CYP19A1: variants seen among roughly 807,000 people sequenced by gnomAD.
CYP19A1 encodes the protein cytochrome P450 family 19 subfamily A member 1.
In CYP19A1, 32 loss-of-function variants were observed where a neutral mutation model predicts 44.4. The observed-to-expected ratio is 0.72, with a 90% CI of 0.54 to 0.97. The LOEUF (loss-of-function observed/expected upper bound fraction) is 0.97, where lower values mean the gene tolerates loss of function less well. Ranked by LOEUF, CYP19A1 falls within the 50% of genes least tolerant of loss-of-function variation. CYP19A1 has a pLI of 0.00. For missense variants in CYP19A1, 598 were observed against 637.8 expected (o/e 0.94, Z 0.67); for synonymous variants, 212 against 215.6 (o/e 0.98, Z 0.14).
At chr15:51,304,372 G>A (rs1272796650) in intron 1 of CYP19A1, among the ~76,000 whole-genome samples, 1 of 152,096 alleles carries the variant, frequency 6.6e-6, no homozygotes, top group Non-Finnish European at 1.5e-5. Flanking sequence ...GACAAATTAA[G>A]TCCTCTTTAC....
intron 1 of CYP19A1, among the ~76,000 whole-genome samples, chr15:51,305,852 C>T (rs984620599): frequency 2.0e-5 from 3 of 152,094 alleles, no homozygotes; most frequent in East Asian, 1.9e-4. Context: ...TGAGCCACTG[C>T]GCGCCACCTT....
intron 1 of CYP19A1, among the ~76,000 whole-genome samples, chr15:51,247,012 C>T (rs1305963329): frequency 1.3e-5 from 2 of 152,178 alleles, no homozygotes; most frequent in South Asian, 2.1e-4. Flanking sequence ...CTTACTACTG[C>T]CTGATCTGTA....
At chr15:51,274,274 C>T (rs758066886) in intron 1 of CYP19A1, among the ~76,000 whole-genome samples, 3 of 152,250 alleles carry the variant, frequency 2.0e-5, no homozygotes, top group Non-Finnish European at 4.4e-5. Flanking sequence ...GGATTATTAC[C>T]GATTTTTGTA....
In CYP19A1 at chr15:51,227,860, A is replaced by T; in HGVS notation, c.370T>A (p.Cys124Ser). 6.5e-7 allele frequency: 1 copy of T among 1,536,966 alleles called. No individual in the cohort carries two copies. The highest frequency in any genetic ancestry group is 9.0e-7 in the Non-Finnish European group (1 of 1,109,660). The change falls in exon 4 of 10, where the codon TGC (cysteine) becomes AGC (serine). Residue 124 changes from cysteine (C) to serine (S), a missense_variant. Cys to Ser is a moderately radical substitution (Grantham distance 112, BLOSUM62 -1). Transcript: ENST00000396402. ...ATGCCTTTCTCATGCATACCGATGC[A>T]CTGCAGCCCAAGTTTGCTGCCGAAT... ...SRFGSKLGLQCIGMHEKGIIF... is the reference protein window; with the variant it reads ...SRFGSKLGLQSIGMHEKGIIF...
intron 1 of CYP19A1, among the ~76,000 whole-genome samples, chr15:51,320,638 C>A (rs928502521): frequency 2.0e-5 from 3 of 152,116 alleles, no homozygotes; most frequent in Non-Finnish European, 2.9e-5. Context: ...CTCCTTTTTC[C>A]TTAACCCCAC....
At chr15:51,228,699 C>T (rs1310147796) in intron 3 of CYP19A1, among the ~76,000 whole-genome samples, 1 of 152,180 alleles carries the variant, frequency 6.6e-6, no homozygotes, top group African/African-American at 2.4e-5. Context: ...TTGCATGATG[C>T]TCAATTATGC....
chr15:51,278,941 A>ACTCAAGTTC (rs1595750640), intron 1 of CYP19A1: 2 of 152,238 alleles, frequency 1.3e-5, no homozygotes, highest in East Asian at 3.9e-4. Context: ...TAAATGAAAG[A>ACTCAAGTTC]CTCAAGTTCC....
intron 6 of CYP19A1, among the ~76,000 whole-genome samples, chr15:51,216,671 GTT>G (rs1313323639): frequency 6.6e-6 from 1 of 152,174 alleles, no homozygotes; most frequent in Non-Finnish European, 1.5e-5. Flanking sequence ...TGCCTTGTTA[GTT>G]TCTGCCACAT....
At chr15:51,232,633 G>T (rs1230088816) in intron 3 of CYP19A1, among the ~76,000 whole-genome samples, 1 of 152,056 alleles carries the variant, frequency 6.6e-6, no homozygotes, top group African/African-American at 2.4e-5. Flanking sequence ...ACAGCACTTT[G>T]ACTCTTTTTT....
chr15:51,282,579 G>A (rs146599147), intron 1 of CYP19A1, among the ~76,000 whole-genome samples: 1 of 152,162 alleles, frequency 6.6e-6, no homozygotes, highest in Non-Finnish European at 1.5e-5. Context: ...CTCCATACTT[G>A]CGTTGGCCAC....
chr15:51,237,745 G>A (rs2033498798), intron 2 of CYP19A1, among the ~76,000 whole-genome samples: 1 of 152,194 alleles, frequency 6.6e-6, no homozygotes, highest in Non-Finnish European at 1.5e-5. Flanking sequence ...GCAGAGGATG[G>A]CAGAATTGTA....
intron 3 of CYP19A1, among the ~76,000 whole-genome samples, chr15:51,235,331 C>T (rs2033321109): frequency 6.6e-6 from 1 of 152,166 alleles, no homozygotes; most frequent in Non-Finnish European, 1.5e-5. Flanking sequence ...CGGGTCCTAC[C>T]CCAGACTGTC....
At chr15:51,294,730 C>A (rs2035951499) in intron 1 of CYP19A1, among the ~76,000 whole-genome samples, 1 of 147,976 alleles carries the variant, frequency 6.8e-6, no homozygotes, top group African/African-American at 2.6e-5. Context: ...CAGCCGCCCC[C>A]CGGGAGGGAG....
intron 1 of CYP19A1, among the ~76,000 whole-genome samples, chr15:51,332,228 GGTA>G (rs2036713286): frequency 6.6e-6 from 1 of 151,854 alleles, no homozygotes; most frequent in Non-Finnish European, 1.5e-5. Context: ...TTTTGTCACT[GGTA>G]GTCAAACTCA....
chr15:51,254,901 A>G (rs2034458405), intron 1 of CYP19A1, among the ~76,000 whole-genome samples: 1 of 152,188 alleles, frequency 6.6e-6, no homozygotes, highest in South Asian at 2.1e-4. Context: ...TCAAATGCAC[A>G]GTGATTACTT....
rs185197622 is a variant in CYP19A1 at position 51,235,359 on chromosome 15, G to T, written c.296+1500C>A. ...AGACTGTCTCATTTAGTAGGTCAGG[G>T]TGGGGCCCAAGAACGTGCATTGCTA... On this transcript the variant is annotated intron_variant, in intron 3 of 9. Transcript: ENST00000396402. Among the ~76,000 whole-genome samples the T allele has an allele frequency of 5.3e-5, 8 of 152,314 alleles. No individual in the cohort carries two copies. In the East Asian group the frequency reaches 1.5e-3, roughly 29 times the overall value.
chr15:51,233,921 C>G (rs1254742119), intron 3 of CYP19A1, among the ~76,000 whole-genome samples: 1 of 152,146 alleles, frequency 6.6e-6, no homozygotes, highest in East Asian at 1.9e-4. Context: ...CGTGCCTCCA[C>G]GCCCCCAGTG....
intron 1 of CYP19A1, among the ~76,000 whole-genome samples, chr15:51,247,469 A>T (rs1416532426): frequency 6.7e-6 from 1 of 149,584 alleles, no homozygotes; most frequent in Non-Finnish European, 1.5e-5. Context: ...TTTTATTTTT[A>T]TTTATTTATT....
Position 51,242,871 on chromosome 15 carries a change from G to C in CYP19A1, c.42C>G (p.Thr14=), listed in dbSNP as rs61203654. ...EMLNPIHYNI[T]SIVPEAMPAA... ...CAGGCATGGCTTCAGGCACGATGCT[G>C]GTGATGTTATAATGTATCGGGTTCA... The change falls in exon 2 of 10, where the codon ACC becomes ACG. Residue 14 remains threonine (T), a synonymous_variant. Transcript: ENST00000396402. The C allele has an allele frequency of 1.0e-3, 1,649 of 1,607,464 alleles. 19 individuals are homozygous for C. The African/African-American group carries it at 0.02, about 19-fold the overall frequency.
Sources: allele counts gnomAD v4.1 joint callset (sites outside exome capture counted in the v4.1 genomes callset), GRCh38; gene constraint gnomAD v4.1.1; transcripts MANE v1.5; gene names NCBI Gene and HGNC (gene_info 2026-07-23, HGNC 2026-07-21).